FSTL1: variants seen among roughly 807,000 people sequenced by gnomAD.
FSTL1 encodes the protein follistatin-related protein 1.
A neutral mutation model predicts 45.9 loss-of-function variants in FSTL1; 24 were observed. The observed-to-expected ratio is 0.52, with a 90% CI of 0.38 to 0.74. FSTL1 has a LOEUF of 0.74. Among genes scored for constraint, FSTL1 ranks in the 30% least tolerant of loss-of-function variants. The pLI, the probability that FSTL1 is intolerant of heterozygous loss-of-function variation, is 0.00. For synonymous variants in FSTL1, 120 were observed against 137.6 expected, an observed-to-expected ratio of 0.87 and a Z score of 0.89; for missense variants, 340 against 381.8, an observed-to-expected ratio of 0.89 and a Z score of 0.91.
chr3:120,422,257 T>C (rs899204273), intron 2 of FSTL1, among the ~76,000 whole-genome samples: 3 of 152,238 alleles, frequency 2.0e-5, no homozygotes, highest in African/African-American at 7.2e-5. Context: ...AGATCTAATG[T>C]ACAGCATGGC....
rs556478474 is a variant in FSTL1, at chr3:120,403,821, A to G, written c.582-467T>C. Among the ~76,000 whole-genome samples, 5 of 144,812 alleles carry G rather than the reference A, an allele frequency of 3.5e-5. No homozygotes were observed. The South Asian group carries it at 1.1e-3, about 33-fold the overall frequency. On this transcript the variant is annotated intron_variant, in intron 7 of 10. Transcript: ENST00000295633. ...ACCATTATCATCCTTCTAGAAAGAG[A>G]TTTTCAGAAAAGCTTTTAGAACTCA...
At chr3:120,439,024 AAAGT>A (rs1937600405) in intron 2 of FSTL1, among the ~76,000 whole-genome samples, 1 of 152,204 alleles carries the variant, frequency 6.6e-6, no homozygotes. Context: ...ACAGACAACC[AAAGT>A]AAGAGCTACA....
In FSTL1 at chr3:120,399,928, T is replaced by C. The variant is rs373021638; in HGVS notation, c.837A>G (p.Thr279=). The change falls in exon 10 of 11, where the codon ACA becomes ACG. Residue 279 remains threonine, a synonymous_variant. Transcript: ENST00000295633. ...GKNQKGAQTQ[T]EEEMTRYVQE... ...GGACATATCTGGTCATCTCCTCCTC[T>C]GTCTGGGTCTGGGCCCCCTTCTGAT... 3.1e-6 allele frequency: 5 copies of C among 1,609,668 alleles called. No individual in the cohort carries two copies. Among genetic ancestry groups the C allele is most frequent in the Non-Finnish European group, 3.4e-6 (4 of 1,177,884 alleles).
chr3:120,424,941 C>T (rs553792987), intron 2 of FSTL1, among the ~76,000 whole-genome samples: 1 of 152,118 alleles, frequency 6.6e-6, no homozygotes, highest in Non-Finnish European at 1.5e-5. Context: ...TGGGCGTCAC[C>T]TGTGTAGGGG....
chr3:120,426,726 G>T (rs1403955590), intron 2 of FSTL1, among the ~76,000 whole-genome samples: 1 of 152,214 alleles, frequency 6.6e-6, no homozygotes, highest in African/African-American at 2.4e-5. Context: ...CTGGCACTGA[G>T]TTGGATGCCC....
chr3:120,426,495 T>A (rs1362207542), intron 2 of FSTL1, among the ~76,000 whole-genome samples: 1 of 152,228 alleles, frequency 6.6e-6, no homozygotes. Flanking sequence ...CTCCACCCAT[T>A]TTTGCCTTGG....
intron 2 of FSTL1, among the ~76,000 whole-genome samples, chr3:120,431,353 T>G (rs1036660569): frequency 6.6e-6 from 1 of 152,176 alleles, no homozygotes; most frequent in Non-Finnish European, 1.5e-5. Context: ...ATATCCAAAA[T>G]ATTACCATCT....
intron 10 of FSTL1, among the ~76,000 whole-genome samples, chr3:120,398,024 C>G (rs1040538191): frequency 6.6e-6 from 1 of 152,162 alleles, no homozygotes; most frequent in African/African-American, 2.4e-5. Context: ...TATGATACCA[C>G]TGTAATATGT....
At chr3:120,422,267 C>A (rs559103610) in intron 2 of FSTL1, among the ~76,000 whole-genome samples, 3 of 151,998 alleles carry the variant, frequency 2.0e-5, no homozygotes, top group Admixed American at 6.6e-5. Flanking sequence ...TACAGCATGG[C>A]GATGATAGTT....
At chr3:120,447,620 C>T (rs1937785621) in intron 2 of FSTL1, among the ~76,000 whole-genome samples, 2 of 152,138 alleles carry the variant, frequency 1.3e-5, no homozygotes, top group South Asian at 2.1e-4. Flanking sequence ...GGAACACATT[C>T]AAAACAATAT....
chr3:120,414,138 C>T (rs1322218306), intron 3 of FSTL1, among the ~76,000 whole-genome samples: 3 of 152,108 alleles, frequency 2.0e-5, no homozygotes, highest in Admixed American at 6.5e-5. Flanking sequence ...CTACAACCTC[C>T]ACCTCCCAGC....
intron 2 of FSTL1, among the ~76,000 whole-genome samples, chr3:120,430,596 A>G (rs1414703526): frequency 6.6e-6 from 1 of 152,276 alleles, no homozygotes; most frequent in East Asian, 1.9e-4. Context: ...CAAACTAAGA[A>G]CTACATAAAA....
At chr3:120,444,794 T>C (rs1460248958) in intron 2 of FSTL1, among the ~76,000 whole-genome samples, 1 of 149,954 alleles carries the variant, frequency 6.7e-6, no homozygotes, top group African/African-American at 2.5e-5. Context: ...CATTTGTTTG[T>C]TGTACTTTTC....
intron 4 of FSTL1, among the ~76,000 whole-genome samples, 174 bp downstream of exon 4, chr3:120,411,680 C>A (rs565948982): frequency 2.0e-5 from 3 of 152,224 alleles, no homozygotes; most frequent in Non-Finnish European, 2.9e-5. Flanking sequence ...CCAGGGCAAA[C>A]CCAGCAGGCT....
chr3:120,434,531 A>T (rs937362080), intron 2 of FSTL1, among the ~76,000 whole-genome samples: 1 of 152,214 alleles, frequency 6.6e-6, no homozygotes, highest in East Asian at 1.9e-4. Flanking sequence ...TGAAATATTT[A>T]TGGCCTTTTT....
At chr3:120,404,754 C>G (rs369629979) in intron 7 of FSTL1, 99 bp downstream of exon 7, 70 of 733,288 alleles carry the variant, frequency 9.5e-5, no homozygotes, top group African/African-American at 8.9e-4. Context: ...GTGACATTCT[C>G]TCACTGGTGG....
Position 120,402,797 on chromosome 3 carries a change from G to A in FSTL1, c.805+11C>T. On this transcript the variant is annotated intron_variant, in intron 9 of 10. Coordinates refer to ENST00000295633, the MANE Select transcript of FSTL1 (RefSeq NM_007085.5). ...TTGCTGTTTTTTCTTTCTGCTTGAA[G>A]CACAGCTCACCGTCACAGGTCATGG... 3 of 1,477,632 alleles carry A rather than the reference G, an allele frequency of 2.0e-6. No individual in the cohort carries two copies. The highest frequency in any genetic ancestry group is 2.8e-6 in the Non-Finnish European group (3 of 1,055,412). The allele number at this position is 1,477,632 out of a possible 1,614,324, so 91.5% of individuals were successfully genotyped here. A position where few individuals can be genotyped will look rare whatever the true frequency, so the allele number is the denominator to read the frequency against.
intron 2 of FSTL1, among the ~76,000 whole-genome samples, chr3:120,437,079 C>T (rs1044869176): frequency 1.3e-5 from 2 of 152,202 alleles, no homozygotes; most frequent in Non-Finnish European, 2.9e-5. Flanking sequence ...ATCAATTTCA[C>T]ACTACAGTTT....
At chr3:120,408,377 G>A (rs1202626287) in intron 6 of FSTL1, among the ~76,000 whole-genome samples, 4 of 152,242 alleles carry the variant, frequency 2.6e-5, no homozygotes, top group African/African-American at 7.2e-5. Context: ...CCATAGAGGA[G>A]AGAAATCTCT....
Sources: allele counts gnomAD v4.1 joint callset (sites outside exome capture counted in the v4.1 genomes callset), GRCh38; gene constraint gnomAD v4.1.1; transcripts MANE v1.5; gene names NCBI Gene and HGNC (gene_info 2026-07-23, HGNC 2026-07-21).